DNM3: variants seen among roughly 807,000 people sequenced by gnomAD.
DNM3 encodes the protein dynamin 3.
In DNM3, 47 loss-of-function variants were observed where a neutral mutation model predicts 101.6. The ratio of observed to expected loss-of-function variants is 0.46; its 90% CI spans 0.37 to 0.59. The LOEUF is 0.59. Ranked by LOEUF, DNM3 falls within the 20% of genes least tolerant of loss-of-function variation. The pLI is 0.00. For missense variants in DNM3, 849 were observed against 1,085.7 expected (o/e 0.78, Z 3.06); for synonymous variants, 385 against 387.9 (o/e 0.99, Z 0.09).
At chr1:172,121,786 T>C (rs2056338578) in intron 13 of DNM3, among the ~76,000 whole-genome samples, 1 of 152,198 alleles carries the variant, frequency 6.6e-6, no homozygotes, top group African/African-American at 2.4e-5. Flanking sequence ...CAGAAAGTTA[T>C]TAATTTTTTG....
intron 15 of DNM3, among the ~76,000 whole-genome samples, chr1:172,278,019 T>G (rs1190495729): frequency 6.6e-6 from 1 of 152,110 alleles, no homozygotes; most frequent in Non-Finnish European, 1.5e-5. Context: ...GCTCAGAGAT[T>G]CATTGCAAGG....
At chr1:171,995,678 G>A (rs1318121350) in intron 4 of DNM3, among the ~76,000 whole-genome samples, 2 of 152,104 alleles carry the variant, frequency 1.3e-5, no homozygotes, top group Non-Finnish European at 2.9e-5. Context: ...TATGACATCT[G>A]TTACCCTGTT....
At chr1:171,897,553 T>A (rs993078823) in intron 1 of DNM3, among the ~76,000 whole-genome samples, 1 of 152,144 alleles carries the variant, frequency 6.6e-6, no homozygotes, top group Non-Finnish European at 1.5e-5. Context: ...TGATTTTAAG[T>A]GAGGGAAATG....
intron 4 of DNM3, among the ~76,000 whole-genome samples, chr1:171,999,477 T>C (rs1018894810): frequency 6.6e-6 from 1 of 152,082 alleles, no homozygotes; most frequent in African/African-American, 2.4e-5. Flanking sequence ...AACACCTAAG[T>C]GGTGGTATTA....
intron 4 of DNM3, among the ~76,000 whole-genome samples, chr1:172,025,761 G>A (rs780377807): frequency 1.4e-4 from 21 of 152,048 alleles, no homozygotes; most frequent in Non-Finnish European, 2.1e-4. Flanking sequence ...TAGCATCAAC[G>A]TCAACAAAAA....
intron 14 of DNM3, among the ~76,000 whole-genome samples, chr1:172,221,816 A>C (rs995928606): frequency 1.3e-5 from 2 of 152,076 alleles, no homozygotes; most frequent in African/African-American, 2.4e-5. Flanking sequence ...TATTTTTCCC[A>C]ATAACACTAA....
chr1:172,241,746 T>A (rs560002828), intron 14 of DNM3, among the ~76,000 whole-genome samples: 1 of 152,086 alleles, frequency 6.6e-6, no homozygotes, highest in Non-Finnish European at 1.5e-5. Flanking sequence ...CCATCACCTC[T>A]GCTGTGATTC....
rs2071014672 is a variant in DNM3, at chr1:172,407,994, C to T, written c.*153C>T. ...ATGCATTCATCGCTCATCTTCATTG[C>T]TCATGGTATGTCAAACCTTTGGGGT... On this transcript the variant is annotated 3_prime_UTR_variant, in exon 21 of 21. Coordinates refer to ENST00000627582, the MANE Select transcript of DNM3 (RefSeq NM_015569.5). The T allele has an allele frequency of 6.7e-7, 1 of 1,498,478 alleles. No homozygotes were observed. The highest frequency in any genetic ancestry group is 1.4e-5 in the African/African-American group (1 of 71,974). 92.8% of individuals were successfully genotyped at this position (1,498,478 alleles called of 1,614,324 possible).
At position 172,131,155 on chromosome 1, in the gene DNM3, T is replaced by G; in HGVS notation, c.1546-20T>G. On this transcript the variant is annotated intron_variant, in intron 13 of 20. Coordinates refer to ENST00000627582, the MANE Select transcript of DNM3 (RefSeq NM_015569.5). Reference sequence around the variant, plus strand: ...CTTTTGTTAAACTAAACACCTCTGCTGATTTCTGCTTTTTCGTAGGTGATT... The same window carrying G: ...CTTTTGTTAAACTAAACACCTCTGCGGATTTCTGCTTTTTCGTAGGTGATT... 6.2e-7 allele frequency: 1 copy of G among 1,610,686 alleles called. No individual in the cohort carries two copies.
intron 2 of DNM3, among the ~76,000 whole-genome samples, chr1:171,982,570 T>C (rs898450608): frequency 6.6e-6 from 1 of 152,120 alleles, no homozygotes; most frequent in Non-Finnish European, 1.5e-5. Flanking sequence ...TGAACCCCAG[T>C]GATGGACATA....
Position 171,878,474 on chromosome 1 carries a change from AC to A in DNM3, c.161+36659del, listed in dbSNP as rs2035972331. ...TAAAAAATTATTGTAGCTGAAACTTACCTCTCTCAGATACCAAGCATGTTTC... is the reference window on the plus strand; with the variant it reads ...TAAAAAATTATTGTAGCTGAAACTTACTCTCTCAGATACCAAGCATGTTTC... On this transcript the variant is annotated intron_variant, in intron 1 of 20. Transcript: ENST00000627582. Among the ~76,000 whole-genome samples, 7 of 152,008 alleles carry A rather than the reference AC, an allele frequency of 4.6e-5. No homozygotes were observed. In the South Asian group the frequency reaches 1.5e-3, roughly 32 times the overall value.
intron 14 of DNM3, among the ~76,000 whole-genome samples, chr1:172,190,796 TG>T (rs2059690799): frequency 1.3e-5 from 2 of 152,236 alleles, no homozygotes; most frequent in Admixed American, 6.5e-5. Flanking sequence ...ATGTGTCTGT[TG>T]GTGGCACAAA....
intron 14 of DNM3, among the ~76,000 whole-genome samples, chr1:172,183,749 C>T (rs1424789191): frequency 6.7e-6 from 1 of 148,666 alleles, no homozygotes; most frequent in Non-Finnish European, 1.5e-5. Context: ...TACAGGGTTG[C>T]ACCACCATGC....
At chr1:172,217,168 TTC>T (rs202048663) in intron 14 of DNM3, among the ~76,000 whole-genome samples, 1,594 of 152,254 alleles carry the variant, frequency 0.01, 17 homozygotes, top group African/African-American at 0.036. Flanking sequence ...TCTCACCTTC[TTC>T]AGCCTCCTTA....
At chr1:172,225,283 C>A (rs1293465943) in intron 14 of DNM3, among the ~76,000 whole-genome samples, 1 of 151,448 alleles carries the variant, frequency 6.6e-6, no homozygotes, top group Non-Finnish European at 1.5e-5. Flanking sequence ...GGATTACAGG[C>A]GCACCACCAC....
chr1:172,031,745 G>A (rs2048625867), intron 4 of DNM3, among the ~76,000 whole-genome samples: 1 of 152,056 alleles, frequency 6.6e-6, no homozygotes, highest in African/African-American at 2.4e-5. Flanking sequence ...TGACAGATGA[G>A]GAAAACTGAG....
At position 172,038,303 on chromosome 1, in the gene DNM3, ATTTTG is replaced by A; in HGVS notation, c.850-7_850-3del. 2 of 1,612,962 alleles carry A rather than the reference ATTTTG, an allele frequency of 1.2e-6. No individual in the cohort carries two copies. The highest frequency in any genetic ancestry group is 1.7e-6 in the Non-Finnish European group (2 of 1,179,320). On this transcript the variant is annotated splice_polypyrimidine_tract_variant and intron_variant, in intron 6 of 20. Coordinates refer to ENST00000627582, the MANE Select transcript of DNM3 (RefSeq NM_015569.5). ...ATTCAATCTTCAATCTGTGTGTATCATTTTGTTTTGTTTAGCAACTTACCAACCAC... is the reference window on the plus strand; with the variant it reads ...ATTCAATCTTCAATCTGTGTGTATCATTTTGTTTAGCAACTTACCAACCAC...
chr1:172,319,041 T>A (rs1470660207), intron 16 of DNM3, among the ~76,000 whole-genome samples: 1 of 151,906 alleles, frequency 6.6e-6, no homozygotes, highest in Non-Finnish European at 1.5e-5. Flanking sequence ...AAAACAGAGA[T>A]ATAGACCAAT....
chr1:172,389,830 A>G (rs911356372), intron 20 of DNM3, among the ~76,000 whole-genome samples: 9 of 152,194 alleles, frequency 5.9e-5, no homozygotes, highest in African/African-American at 1.9e-4. Flanking sequence ...TGTTAAGCGT[A>G]ATGAAGAGAA....
Sources: gnomAD v4.1 joint callset for allele counts (sites outside exome capture counted in the v4.1 genomes callset) on GRCh38, gnomAD v4.1.1 for gene constraint, MANE v1.5 for transcripts, NCBI Gene and HGNC (gene_info 2026-07-23, HGNC 2026-07-21) for gene names.